The following WWOX variants were observed in gnomAD, a reference collection of about 807,000 sequenced individuals.
WWOX encodes the protein WW domain containing oxidoreductase.
A neutral mutation model predicts 46.2 loss-of-function variants in WWOX; 69 were observed. The ratio of observed to expected loss-of-function variants is 1.49; its 90% CI spans 1.23 to 1.82. The LOEUF (loss-of-function observed/expected upper bound fraction) is 1.82. WWOX is among the 40% of genes most tolerant of loss of function. The pLI, the probability that WWOX is intolerant of heterozygous loss-of-function variation, is 0.00. For synonymous variants in WWOX, 359 were observed against 202.6 expected, an observed-to-expected ratio of 1.77 and a Z score of -6.56; for missense variants, 919 against 542.6, an observed-to-expected ratio of 1.69 and a Z score of -6.89.
intron 8 of WWOX, among the ~76,000 whole-genome samples, chr16:78,786,325 C>T (rs948873171): frequency 5.9e-5 from 9 of 152,114 alleles, no homozygotes; most frequent in Non-Finnish European, 1.2e-4. Flanking sequence ...GTACCCTGAG[C>T]AATTTTAAGT....
At chr16:78,766,151 G>T (rs1010166907) in intron 8 of WWOX, among the ~76,000 whole-genome samples, 3 of 152,210 alleles carry the variant, frequency 2.0e-5, no homozygotes, top group African/African-American at 4.8e-5. Flanking sequence ...AACTGGGTCA[G>T]GTTCCATTTG....
At chr16:78,929,767 T>C (rs116159263) in intron 8 of WWOX, among the ~76,000 whole-genome samples, 2,764 of 152,230 alleles carry the variant, frequency 0.018, 69 homozygotes, top group African/African-American at 0.056. Context: ...AGAGGGTCAG[T>C]CCAAGGTGAC....
intron 8 of WWOX, among the ~76,000 whole-genome samples, chr16:78,923,795 T>TTTG (rs1567652279): frequency 8.9e-4 from 3 of 3,352 alleles, no homozygotes; most frequent in Non-Finnish European, 6.8e-3. Flanking sequence ...TTTTAGTTAG[T>TTTG]TTTTTTTTTT....
chr16:78,337,815 C>A (rs377618850), intron 5 of WWOX, among the ~76,000 whole-genome samples: 1 of 58,352 alleles, frequency 1.7e-5, no homozygotes, highest in African/African-American at 5.0e-5. Flanking sequence ...CTTGGCTATC[C>A]TATTTCCCTT....
chr16:78,614,705 G>A (rs539993930), intron 8 of WWOX, among the ~76,000 whole-genome samples: 3 of 152,204 alleles, frequency 2.0e-5, no homozygotes, highest in Non-Finnish European at 4.4e-5. Flanking sequence ...CATGAAGAGG[G>A]ACGGGGCCAA....
At chr16:78,248,970 C>A (rs2037904620) in intron 5 of WWOX, among the ~76,000 whole-genome samples, 2 of 150,266 alleles carry the variant, frequency 1.3e-5, no homozygotes, top group Non-Finnish European at 3.0e-5. Flanking sequence ...GATTCTCCTG[C>A]CTCAGCCTCC....
chr16:78,413,322 C>G (rs1449726853), intron 6 of WWOX, among the ~76,000 whole-genome samples: 7 of 152,130 alleles, frequency 4.6e-5, no homozygotes, highest in Admixed American at 4.6e-4. Context: ...GTGTGAACAA[C>G]AAGGCTGTTT....
intron 5 of WWOX, among the ~76,000 whole-genome samples, chr16:78,368,370 G>A (rs1567529499): frequency 6.6e-6 from 1 of 152,184 alleles, no homozygotes; most frequent in African/African-American, 2.4e-5. Context: ...CCTTCTGGGG[G>A]ATGCTTTGTA....
chr16:78,985,982 A>G (rs1186366287), intron 8 of WWOX, among the ~76,000 whole-genome samples: 1 of 152,182 alleles, frequency 6.6e-6, no homozygotes, highest in African/African-American at 2.4e-5. Context: ...AGAGCCAACA[A>G]TGCACTGTGC....
intron 8 of WWOX, among the ~76,000 whole-genome samples, chr16:79,043,119 G>C (rs979141220): frequency 2.0e-5 from 3 of 152,142 alleles, no homozygotes; most frequent in Admixed American, 2.0e-4. Flanking sequence ...ACGTGGGCAG[G>C]TGAGAGGTGC....
chr16:78,897,649 T>G (rs898597742), intron 8 of WWOX: 4 of 152,228 alleles, frequency 2.6e-5, no homozygotes, highest in Admixed American at 6.5e-5. Flanking sequence ...AAATCCTGTA[T>G]ACATGTTTTT....
intron 8 of WWOX, among the ~76,000 whole-genome samples, chr16:78,498,905 G>A (rs1164724689): frequency 6.6e-6 from 1 of 152,060 alleles, no homozygotes; most frequent in African/African-American, 2.4e-5. Flanking sequence ...TTCCTCGATT[G>A]TCTCTCCTTT....
intron 8 of WWOX, among the ~76,000 whole-genome samples, chr16:78,948,246 A>G (rs2045986696): frequency 6.6e-6 from 1 of 152,220 alleles, no homozygotes; most frequent in African/African-American, 2.4e-5. Context: ...GTCCACAGAC[A>G]GTGGCACCAC....
At chr16:78,136,429 C>T (rs779557765) in intron 4 of WWOX, among the ~76,000 whole-genome samples, 29 of 152,284 alleles carry the variant, frequency 1.9e-4, no homozygotes, top group Non-Finnish European at 3.2e-4. Flanking sequence ...CTTTGGTGTT[C>T]ATTGAGTCAT....
chr16:78,351,253 G>C (rs539972492), intron 5 of WWOX, among the ~76,000 whole-genome samples: 1 of 152,328 alleles, frequency 6.6e-6, no homozygotes, highest in African/African-American at 2.4e-5. Context: ...ACAATATAGA[G>C]AGGCTAAATT....
intron 8 of WWOX, among the ~76,000 whole-genome samples, chr16:78,718,517 T>A (rs1019514120): frequency 4.6e-5 from 7 of 152,132 alleles, no homozygotes; most frequent in African/African-American, 1.7e-4. Context: ...AAAATGAATT[T>A]GCCAGTCAGA....
At chr16:78,900,939 G>T (rs1041667171) in intron 8 of WWOX, among the ~76,000 whole-genome samples, 1 of 151,710 alleles carries the variant, frequency 6.6e-6, no homozygotes, top group African/African-American at 2.4e-5. Flanking sequence ...CTATTCCCAA[G>T]AAGAGCACTA....
At chr16:78,912,515 G>A (rs1164181282) in intron 8 of WWOX, among the ~76,000 whole-genome samples, 1 of 151,892 alleles carries the variant, frequency 6.6e-6, no homozygotes, top group East Asian at 1.9e-4. Flanking sequence ...ATCAAGAAAT[G>A]CCAGCTCCTC....
intron 8 of WWOX, among the ~76,000 whole-genome samples, chr16:79,028,363 G>A (rs1247995976): frequency 6.6e-6 from 1 of 151,858 alleles, no homozygotes; most frequent in African/African-American, 2.4e-5. Flanking sequence ...TCAAAATATA[G>A]CTAAATTCAG....
Sources: gnomAD v4.1 joint callset for allele counts (sites outside exome capture counted in the v4.1 genomes callset) on GRCh38, gnomAD v4.1.1 for gene constraint, MANE v1.5 for transcripts, NCBI Gene and HGNC (gene_info 2026-07-23, HGNC 2026-07-21) for gene names.